Variants in SENP7 observed in about 807,000 individuals in gnomAD.
The protein encoded by SENP7 is SUMO specific peptidase 7.
In SENP7, 64 loss-of-function variants were observed where a neutral mutation model predicts 141.2. The observed-to-expected ratio is 0.45, with a 90% CI of 0.37 to 0.56. SENP7 has a LOEUF of 0.56. SENP7 is among the 20% of genes least tolerant of loss of function. The probability of loss-of-function intolerance (pLI) is 0.00; values close to 1 mark genes in which losing one functional copy is unlikely to be tolerated. For missense variants in SENP7, 1,025 were observed against 1,212.2 expected (o/e 0.85, Z 2.29); for synonymous variants, 382 against 426.4 (o/e 0.90, Z 1.28).
intron 6 of SENP7, among the ~76,000 whole-genome samples, chr3:101,396,907 G>A (rs755110524): frequency 1.3e-5 from 2 of 152,062 alleles, no homozygotes; most frequent in South Asian, 2.1e-4. Context: ...GCAATGGTGC[G>A]GTCTCAGCTC....
In SENP7 at chr3:101,367,484, C is replaced by CA. The variant is rs960142614; in HGVS notation, c.978+345dup. On this transcript the variant is annotated intron_variant, in intron 8 of 23. Coordinates refer to ENST00000394095, the MANE Select transcript of SENP7 (RefSeq NM_020654.5). ...TCTAATAATAATTTTACAGAGCAAG[C>CA]AAAAAAAAATGACTAGACAGTATGA... is the stretch of plus-strand genomic sequence containing the variant. Among the ~76,000 whole-genome samples, 23 of 144,004 alleles carry CA rather than the reference C, an allele frequency of 1.6e-4. No individual in the cohort carries two copies. In the South Asian group the frequency reaches 2.2e-3, roughly 14 times the overall value. The allele number at this position is 144,004 out of a possible 152,430, so 94.5% of individuals were successfully genotyped here.
chr3:101,448,293 G>C (rs2062973561), intron 4 of SENP7, among the ~76,000 whole-genome samples: 2 of 152,180 alleles, frequency 1.3e-5, no homozygotes, highest in Non-Finnish European at 2.9e-5. Flanking sequence ...ACACCATCAA[G>C]AGAGTGAGAA....
chr3:101,441,751 A>C (rs1489329823), intron 4 of SENP7, among the ~76,000 whole-genome samples: 1 of 152,148 alleles, frequency 6.6e-6, no homozygotes, highest in Non-Finnish European at 1.5e-5. Flanking sequence ...CAAATGGCTC[A>C]TCCCTACCAT....
Position 101,332,870 on chromosome 3 carries a change from T to C in SENP7, c.2481-8A>G, listed in dbSNP as rs769590055. On this transcript the variant is annotated splice_region_variant and splice_polypyrimidine_tract_variant and intron_variant, in intron 17 of 23. Transcript: ENST00000394095. ...TGTCTTCTCTGTGCCATTCTGAGAGTATGAAAGACAGATTTGATATATAAA... is the reference window on the plus strand; with the variant it reads ...TGTCTTCTCTGTGCCATTCTGAGAGCATGAAAGACAGATTTGATATATAAA... The C allele has an allele frequency of 1.9e-6, 3 of 1,571,868 alleles. No homozygotes were observed. The highest frequency in any genetic ancestry group is 1.7e-4 in the Middle Eastern group (1 of 5,726).
chr3:101,357,996 T>C (rs1354398507), intron 11 of SENP7: 3 of 633,106 alleles, frequency 4.7e-6, no homozygotes, highest in Non-Finnish European at 7.8e-6. Context: ...AAAATTCTTA[T>C]TGGAGAGAAA....
intron 4 of SENP7, among the ~76,000 whole-genome samples, chr3:101,425,775 T>C (rs1157099637): frequency 1.3e-5 from 2 of 152,120 alleles, no homozygotes; most frequent in African/African-American, 4.8e-5. Flanking sequence ...AATAAAAAAA[T>C]GCAGGAGCTA....
Position 101,325,725 on chromosome 3 carries a change from T to C in SENP7, c.*218A>G, listed in dbSNP as rs2058882699. On this transcript the variant is annotated 3_prime_UTR_variant, in exon 24 of 24. Coordinates refer to ENST00000394095, the MANE Select transcript of SENP7 (RefSeq NM_020654.5). ...GAAATATTTATAAAATTTTAATTTA[T>C]ATCTAGTAAGTTTATCTATATCACC... The C allele has an allele frequency of 3.3e-6, 1 of 305,598 alleles. No individual in the cohort carries two copies. Among genetic ancestry groups the C allele is most frequent in the East Asian group, 5.4e-5 (1 of 18,520 alleles). The allele number at this position is 305,598 out of a possible 1,614,324, so 18.9% of individuals were successfully genotyped here.
intron 3 of SENP7, among the ~76,000 whole-genome samples, chr3:101,460,716 G>T (rs1331988407): frequency 6.6e-6 from 1 of 152,092 alleles, no homozygotes; most frequent in African/African-American, 2.4e-5. Context: ...AGCAAAATTT[G>T]AAACTTTTAT....
chr3:101,334,533 A>C (rs2059135846), intron 17 of SENP7, among the ~76,000 whole-genome samples: 1 of 152,160 alleles, frequency 6.6e-6, no homozygotes, highest in South Asian at 2.1e-4. Context: ...CTATGGGTAA[A>C]CATCAGGAGT....
At chr3:101,444,187 G>A (rs188461340) in intron 4 of SENP7, among the ~76,000 whole-genome samples, 38,961 of 99,278 alleles carry the variant, frequency 0.39, 10,104 homozygotes, top group African/African-American at 0.55. Flanking sequence ...CAAAACCACA[G>A]TGAGATACCA....
chr3:101,385,234 G>A (rs1017066222), intron 6 of SENP7, among the ~76,000 whole-genome samples: 1 of 151,988 alleles, frequency 6.6e-6, no homozygotes, highest in African/African-American at 2.4e-5. Context: ...TACCTTGAAT[G>A]TCTTCTCATG....
chr3:101,354,982 T>C (rs1576060247), intron 11 of SENP7, among the ~76,000 whole-genome samples: 2 of 152,166 alleles, frequency 1.3e-5, no homozygotes, highest in Admixed American at 1.3e-4. Flanking sequence ...TCAGTGATAT[T>C]GAGCTTTTTT....
intron 3 of SENP7, 47 bp from the exon 4 acceptor site, chr3:101,459,099 CAA>C: frequency 9.3e-7 from 1 of 1,072,910 alleles, no homozygotes; most frequent in Non-Finnish European, 1.4e-6. Flanking sequence ...ATCAATATGA[CAA>C]GAGGCATTTA....
At chr3:101,487,160 T>G (rs1276865079) in intron 3 of SENP7, among the ~76,000 whole-genome samples, 1 of 152,100 alleles carries the variant, frequency 6.6e-6, no homozygotes, top group African/African-American at 2.4e-5. Context: ...GACAGCAACG[T>G]AATATTAGTG....
At chr3:101,395,042 G>GT (rs1380512683) in intron 6 of SENP7, among the ~76,000 whole-genome samples, 3 of 152,096 alleles carry the variant, frequency 2.0e-5, no homozygotes, top group Non-Finnish European at 4.4e-5. Context: ...TATATTCTGG[G>GT]TATCAGTCCC....
chr3:101,423,216 A>T (rs2061843527), intron 4 of SENP7, among the ~76,000 whole-genome samples: 1 of 152,084 alleles, frequency 6.6e-6, no homozygotes, highest in African/African-American at 2.4e-5. Context: ...CTTTAAAAAA[A>T]GTTTTAAAAA....
chr3:101,486,915 G>A (rs2064753438), intron 3 of SENP7, among the ~76,000 whole-genome samples: 1 of 152,170 alleles, frequency 6.6e-6, no homozygotes, highest in African/African-American at 2.4e-5. Context: ...AGGTAAAGGG[G>A]TGGAAAATGG....
chr3:101,387,037 T>G (rs2060675128), intron 6 of SENP7, among the ~76,000 whole-genome samples: 1 of 152,206 alleles, frequency 6.6e-6, no homozygotes, highest in Non-Finnish European at 1.5e-5. Context: ...GGCACCCATG[T>G]GCACCATACA....
intron 3 of SENP7, among the ~76,000 whole-genome samples, chr3:101,488,629 C>T (rs991962910): frequency 3.3e-5 from 5 of 152,170 alleles, no homozygotes; most frequent in African/African-American, 1.2e-4. Context: ...ATTGCCTGAG[C>T]TCAGAAGTTC....
Sources: gnomAD v4.1 joint callset for allele counts (sites outside exome capture counted in the v4.1 genomes callset) on GRCh38, gnomAD v4.1.1 for gene constraint, MANE v1.5 for transcripts, NCBI Gene and HGNC (gene_info 2026-07-23, HGNC 2026-07-21) for gene names.